The following PRSS35 variants were observed in gnomAD, a reference collection of about 807,000 sequenced individuals.
PRSS35 encodes the protein serine protease 35, also known as inactive serine protease 35.
In PRSS35, 7 loss-of-function variants were observed where a neutral mutation model predicts 8.1. That is an observed-to-expected ratio of 0.86 (90% CI 0.49 to 1.62). PRSS35 has a LOEUF of 1.62. PRSS35 is among the 40% of genes most tolerant of loss of function. The pLI is 0.00. For synonymous variants in PRSS35, 199 were observed against 188.7 expected (o/e 1.05, Z -0.45); for missense variants, 566 against 518.0 (o/e 1.09, Z -0.90).
intron 1 of PRSS35, among the ~76,000 whole-genome samples, chr6:83,518,832 G>A (rs776681623): frequency 3.9e-5 from 6 of 152,074 alleles, no homozygotes; most frequent in Non-Finnish European, 5.9e-5. Context: ...AATTCTTTGC[G>A]TGTATCATCT....
At chr6:83,515,521 G>A (rs1252905620) in intron 1 of PRSS35, among the ~76,000 whole-genome samples, 1 of 148,410 alleles carries the variant, frequency 6.7e-6, no homozygotes, top group East Asian at 2.0e-4. Context: ...TTTGAGACAG[G>A]GTTGCCCTGT....
intron 1 of PRSS35, among the ~76,000 whole-genome samples, chr6:83,518,472 T>C (rs535260411): frequency 6.6e-6 from 1 of 152,116 alleles, no homozygotes; most frequent in South Asian, 2.1e-4. Context: ...TGTGGCTGCA[T>C]AGTGTTTAAT....
chr6:83,513,184 GA>G (rs923718794), intron 1 of PRSS35, among the ~76,000 whole-genome samples: 9 of 148,956 alleles, frequency 6.0e-5, no homozygotes, highest in East Asian at 2.0e-4. Context: ...TACTCTAGCT[GA>G]AAAAAAAAAG....
chr6:83,524,556 G>A lies in PRSS35; in HGVS notation c.1115G>A (p.Gly372Glu), dbSNP rs767698701. The change falls in exon 2 of 2, where the codon GGG becomes GAG. Residue 372 changes from glycine to glutamate, a missense_variant. Gly to Glu is a moderately conservative substitution (Grantham distance 98). Coordinates refer to ENST00000369700, the MANE Select transcript of PRSS35 (RefSeq NM_153362.3). ...CGCAAAATCATTGCGGTCTACTCAG[G>A]GCACCAGTGGGTGGATGTCCACGGG... is the stretch of plus-strand genomic sequence containing the variant. ...WKRKIIAVYSGHQWVDVHGVQ... is the reference protein window; with the variant it reads ...WKRKIIAVYSEHQWVDVHGVQ... The A allele has an allele frequency of 1.9e-6, 3 of 1,614,156 alleles. No individual in the cohort carries two copies. The highest frequency in any genetic ancestry group is 2.5e-6 in the Non-Finnish European group (3 of 1,180,038).
rs1295518607 is a variant in PRSS35, at chr6:83,523,897, G to T, written c.456G>T (p.Thr152=). Residue 152 remains threonine (T), a synonymous_variant, in exon 2 of 2, where the codon ACG becomes ACT. Transcript: ENST00000369700. ...FPFSTAVKLS[T]GCSGILISPQ... The stretch of plus-strand genomic sequence containing the variant: ...TCAGCACAGCTGTGAAGCTTTCCAC[G>T]GGCTGTAGTGGCATTCTCATTTCCC... 6.2e-7 allele frequency: 1 copy of T among 1,614,110 alleles called. No homozygotes were observed. Among genetic ancestry groups the T allele is most frequent in the Non-Finnish European group, 8.5e-7 (1 of 1,180,024 alleles).
intron 1 of PRSS35, among the ~76,000 whole-genome samples, chr6:83,519,377 T>A (rs1320814607): frequency 6.6e-6 from 1 of 152,148 alleles, no homozygotes; most frequent in East Asian, 1.9e-4. Flanking sequence ...CATCTGGAAA[T>A]GGACAGTGAA....
At position 83,524,257 on chromosome 6, in the gene PRSS35, C is replaced by T. The variant is rs61743383; in HGVS notation, c.816C>T (p.Thr272=). ...CACGAGGAGGCATGGGGGACGCTAC[C>T]TTGGACTATGACTATGCTCTTCTGG... is the stretch of plus-strand genomic sequence containing the variant. ...GWARGGMGDA[T]LDYDYALLEL... The change falls in exon 2 of 2, where the codon ACC becomes ACT. Residue 272 remains threonine (T), a synonymous_variant. Transcript: ENST00000369700. 251 of 1,614,100 alleles carry T rather than the reference C, an allele frequency of 1.6e-4. No homozygotes were observed. The African/African-American group carries it at 3.0e-3, about 19-fold the overall frequency.
At chr6:83,518,259 A>G (rs1434582458) in intron 1 of PRSS35, among the ~76,000 whole-genome samples, 1 of 152,182 alleles carries the variant, frequency 6.6e-6, no homozygotes, top group African/African-American at 2.4e-5. Context: ...TTAAGGTATA[A>G]TGTCATTTCA....
intron 1 of PRSS35, among the ~76,000 whole-genome samples, chr6:83,519,622 C>G (rs1771785786): frequency 6.6e-6 from 1 of 152,198 alleles, no homozygotes; most frequent in Admixed American, 6.5e-5. Flanking sequence ...ACAAGACAAA[C>G]TTAGATTTTC....
chr6:83,524,877 T>G lies in PRSS35; in HGVS notation c.*194T>G. 3.3e-6 allele frequency: 2 copies of G among 607,640 alleles called. No homozygotes were observed. Among genetic ancestry groups the G allele is most frequent in the South Asian group, 5.2e-5 (2 of 38,536 alleles). The allele number at this position is 607,640 out of a possible 1,614,324, so 37.6% of individuals were successfully genotyped here. A position where few individuals can be genotyped will look rare whatever the true frequency, so the allele number is the denominator to read the frequency against. On this transcript the variant is annotated 3_prime_UTR_variant, in exon 2 of 2. Coordinates refer to ENST00000369700, the MANE Select transcript of PRSS35 (RefSeq NM_153362.3). Reference sequence around the variant, plus strand: ...CAGATATTGAAACTAGGTGGGCACTTCAATGCCAAGTATATACTCTTCTTT... The same window carrying G: ...CAGATATTGAAACTAGGTGGGCACTGCAATGCCAAGTATATACTCTTCTTT...
chr6:83,522,880 C>T (rs1029844375), intron 1 of PRSS35, among the ~76,000 whole-genome samples: 2 of 152,152 alleles, frequency 1.3e-5, no homozygotes, highest in Non-Finnish European at 2.9e-5. Context: ...GTTTGGGCTG[C>T]GAATCCTGGT....
chr6:83,521,253 T>C (rs1259042470), intron 1 of PRSS35, among the ~76,000 whole-genome samples: 1 of 152,016 alleles, frequency 6.6e-6, no homozygotes, highest in African/African-American at 2.4e-5. Context: ...TAAATTTTCA[T>C]CCTGGGAACT....
intron 1 of PRSS35, among the ~76,000 whole-genome samples, chr6:83,513,938 T>G (rs1771668678): frequency 6.6e-6 from 1 of 152,174 alleles, no homozygotes; most frequent in African/African-American, 2.4e-5. Flanking sequence ...ATTTTAACAG[T>G]AGGATCAGAC....
chr6:83,520,731 T>C (rs16870561), intron 1 of PRSS35, among the ~76,000 whole-genome samples: 5,521 of 152,308 alleles, frequency 0.036, 330 homozygotes, highest in African/African-American at 0.13. Flanking sequence ...TAAACCAGTG[T>C]CATCTACATA....
At position 83,517,322 on chromosome 6, in the gene PRSS35, G is replaced by A. The variant is rs780899632; in HGVS notation, c.-21+4628G>A. On this transcript the variant is annotated intron_variant, in intron 1 of 1. Transcript: ENST00000369700. ...AGTTCTTACTCCCCTTTTTTATTAC[G>A]TTACAGACACTGTTATTTTCTCATA... Among the ~76,000 whole-genome samples, 5 of 152,000 alleles carry A rather than the reference G, an allele frequency of 3.3e-5. No individual in the cohort carries two copies. In the East Asian group the frequency reaches 9.6e-4, roughly 29 times the overall value.
At chr6:83,517,928 G>A (rs954830756) in intron 1 of PRSS35, among the ~76,000 whole-genome samples, 7 of 152,118 alleles carry the variant, frequency 4.6e-5, no homozygotes, top group African/African-American at 1.7e-4. Context: ...ACTGTTTGAT[G>A]GATCAATGCA....
chr6:83,520,972 C>A (rs765054825), intron 1 of PRSS35, among the ~76,000 whole-genome samples: 1 of 152,068 alleles, frequency 6.6e-6, no homozygotes, highest in African/African-American at 2.4e-5. Flanking sequence ...TGTCTCTTGA[C>A]GTGGATATTT....
At chr6:83,513,141 A>G (rs1771656327) in intron 1 of PRSS35, among the ~76,000 whole-genome samples, 1 of 152,164 alleles carries the variant, frequency 6.6e-6, no homozygotes, top group African/African-American at 2.4e-5. Context: ...AGGCGGCGAA[A>G]TGAAGTAGAA....
chr6:83,524,107 T>C lies in PRSS35; in HGVS notation c.666T>C (p.His222=). 3.7e-6 allele frequency: 6 copies of C among 1,613,832 alleles called. No homozygotes were observed. Among genetic ancestry groups the C allele is most frequent in the Middle Eastern group, 1.6e-4 (1 of 6,062 alleles). ...ACCAAAGAGAGGGTACCAGAGAGCA[T>C]CTGCGGGAGAGAGCGAAGGGTGGGA... ...GGDQREGTRE[H]LRERAKGGRR... Residue 222 remains histidine, a synonymous_variant, in exon 2 of 2, where the codon CAT becomes CAC. Coordinates refer to ENST00000369700, the MANE Select transcript of PRSS35 (RefSeq NM_153362.3).
Sources: gnomAD v4.1 joint callset for allele counts (sites outside exome capture counted in the v4.1 genomes callset) on GRCh38, gnomAD v4.1.1 for gene constraint, MANE v1.5 for transcripts, NCBI Gene and HGNC (gene_info 2026-07-23, HGNC 2026-07-21) for gene names.